The following DNAH8 variants were observed in gnomAD, a reference collection of about 807,000 sequenced individuals.
The protein encoded by DNAH8 is axonemal beta dynein heavy chain 8.
DNAH8 carries 382 observed loss-of-function variants against 562.1 expected under a neutral mutation model. The observed-to-expected ratio is 0.68, with a 90% CI of 0.63 to 0.74. The LOEUF is 0.74. DNAH8 is among the 30% of genes least tolerant of loss of function. The pLI is 0.00. For synonymous variants in DNAH8, 1,881 were observed against 1,919.4 expected, an observed-to-expected ratio of 0.98 and a Z score of 0.52; for missense variants, 5,203 against 5,620.4, an observed-to-expected ratio of 0.93 and a Z score of 2.37.
In DNAH8 at chr6:38,984,267, C is replaced by T; in HGVS notation, c.13013C>T (p.Thr4338Ile). Residue 4338 changes from threonine to isoleucine, a missense_variant, in exon 87 of 93, where the codon ACA becomes ATA. Physicochemically the swap from Thr to Ile is moderately conservative, Grantham distance 89. Transcript: ENST00000327475. ...IGEVQYGGRV[T>I]DDFDKRLLNC... Reference sequence around the variant, plus strand: ...GAAGTACAATATGGAGGCAGAGTGACAGATGACTTTGACAAACGTCTACTT... The same window carrying T: ...GAAGTACAATATGGAGGCAGAGTGATAGATGACTTTGACAAACGTCTACTT... 6.2e-7 allele frequency: 1 copy of T among 1,611,180 alleles called. No individual in the cohort carries two copies. Among genetic ancestry groups the T allele is most frequent in the Non-Finnish European group, 8.5e-7 (1 of 1,177,360 alleles).
At chr6:38,890,599 A>G in intron 57 of DNAH8, 53 bp from the exon 58 acceptor site, 18 of 1,274,858 alleles carry the variant, frequency 1.4e-5, no homozygotes, top group Non-Finnish European at 2.1e-5. Context: ...GGATAAACAT[A>G]TACTTGGAAA....
chr6:38,834,434 A>G lies in DNAH8; in HGVS notation c.4303-145A>G, dbSNP rs992902143. 27 of 531,464 alleles carry G rather than the reference A, an allele frequency of 5.1e-5. No homozygotes were observed. In the African/African-American group the frequency reaches 5.3e-4, roughly 10 times the overall value. The allele number at this position is 531,464 out of a possible 1,614,324, so 32.9% of individuals were successfully genotyped here. On this transcript the variant is annotated intron_variant, in intron 31 of 92. Coordinates refer to ENST00000327475, the MANE Select transcript of DNAH8 (RefSeq NM_001206927.2). ...ATCTCAATAAAGCTGTTAGAAATAA[A>G]TAAAAGCTTCAAGTACAGGACACAA...
At chr6:38,755,291 C>G (rs1267578716) in intron 9 of DNAH8, among the ~76,000 whole-genome samples, 1 of 152,138 alleles carries the variant, frequency 6.6e-6, no homozygotes. Flanking sequence ...TATGCTAACG[C>G]TCTTAGCCTA....
At chr6:38,903,612 CT>C (rs756414599) in intron 62 of DNAH8, among the ~76,000 whole-genome samples, 33,402 of 129,228 alleles carry the variant, frequency 0.26, 7,154 homozygotes, top group African/African-American at 0.61. Context: ...TTCTTTCTTC[CT>C]TTTTTTTTTT....
At chr6:38,850,172 A>T in intron 37 of DNAH8, 79 bp from the exon 38 acceptor site, 2 of 1,376,796 alleles carry the variant, frequency 1.5e-6, no homozygotes, top group Non-Finnish European at 2.0e-6. Flanking sequence ...GAAGAACTAT[A>T]GAAAATTCCA....
At chr6:38,943,047 G>C (rs1487982301) in intron 79 of DNAH8, among the ~76,000 whole-genome samples, 1 of 152,180 alleles carries the variant, frequency 6.6e-6, no homozygotes, top group Non-Finnish European at 1.5e-5. Context: ...TCATGAAATT[G>C]GAGTCAGGGA....
Position 38,909,532 on chromosome 6 carries a change from C to T in DNAH8, c.9528C>T (p.Phe3176=), listed in dbSNP as rs1466579837. Residue 3176 remains phenylalanine, a synonymous_variant, in exon 65 of 93, where the codon TTC becomes TTT. Coordinates refer to ENST00000327475, the MANE Select transcript of DNAH8 (RefSeq NM_001206927.2). ...VLCFSPVGEK[F]RARSLKFPGL... ...GCTATCAATAGGTTGGTGAGAAGTTCCGTGCCCGTTCTTTGAAATTTCCTG... is the reference window on the plus strand; with the variant it reads ...GCTATCAATAGGTTGGTGAGAAGTTTCGTGCCCGTTCTTTGAAATTTCCTG... 10 of 1,613,942 alleles carry T rather than the reference C, an allele frequency of 6.2e-6. No homozygotes were observed. The highest frequency in any genetic ancestry group is 8.5e-6 in the Non-Finnish European group (10 of 1,180,002).
At chr6:38,741,588 T>A in intron 7 of DNAH8, 123 bp from the exon 8 acceptor site, 2 of 766,320 alleles carry the variant, frequency 2.6e-6, no homozygotes, top group South Asian at 5.0e-5. Flanking sequence ...TTACTGAGAG[T>A]TTTTAAACAT....
intron 88 of DNAH8, among the ~76,000 whole-genome samples, chr6:39,004,097 T>G (rs1249205282): frequency 6.6e-6 from 1 of 152,174 alleles, no homozygotes; most frequent in Non-Finnish European, 1.5e-5. Context: ...ATATTTATGC[T>G]AGGCATGGTG....
intron 79 of DNAH8, among the ~76,000 whole-genome samples, chr6:38,941,035 A>T (rs1280660482): frequency 6.6e-6 from 1 of 151,746 alleles, no homozygotes; most frequent in Non-Finnish European, 1.5e-5. Flanking sequence ...CAGGAGAATC[A>T]CTTGAACCAG....
At position 38,971,625 on chromosome 6, in the gene DNAH8, A is replaced by C; in HGVS notation, c.12485A>C (p.Glu4162Ala). The C allele has an allele frequency of 6.2e-7, 1 of 1,603,046 alleles. No homozygotes were observed. Among genetic ancestry groups the C allele is most frequent in the East Asian group, 2.2e-5 (1 of 44,542 alleles). ...CRTISMGQGQ[E>A]VHARKLIQMS... ...ACTATCTCAATGGGGCAAGGACAAG[A>C]AGTACATGCTCGAAAGCTGATTCAG... The change falls in exon 83 of 93, where the codon GAA becomes GCA. Residue 4162 changes from glutamate (E) to alanine (A), a missense_variant. Physicochemically the swap from Glu to Ala is moderately radical, Grantham distance 107. Transcript: ENST00000327475.
At chr6:38,782,019 C>T (rs1230415414) in intron 16 of DNAH8, among the ~76,000 whole-genome samples, 6 of 152,020 alleles carry the variant, frequency 3.9e-5, no homozygotes, top group Admixed American at 3.9e-4. Context: ...AACAATATAA[C>T]TACAAAACAG....
rs746640155 is a variant in DNAH8 at position 38,896,137 on chromosome 6, A to G, written c.8852A>G (p.Tyr2951Cys). 14 of 1,613,660 alleles carry G rather than the reference A, an allele frequency of 8.7e-6. No homozygotes were observed. The highest frequency in any genetic ancestry group is 1.2e-5 in the Non-Finnish European group (14 of 1,179,918). Reference protein sequence around the residue: ...DAASCILPEPYFVDFLREMPE... With the variant: ...DAASCILPEPCFVDFLREMPE... ...GCGTCGTGTATTCTTCCTGAACCAT[A>G]CTTTGTGGATTTTCTTCGTGAGATG... The change falls in exon 60 of 93, where the codon TAC becomes TGC. Residue 2951 changes from tyrosine to cysteine, a missense_variant. Tyr to Cys is a radical substitution (Grantham distance 194, BLOSUM62 -2). This residue lies in a region of DNAH8 where 977 missense variants were observed against 1,061.8 expected (regional missense o/e 0.92). Transcript: ENST00000327475.
At chr6:38,897,705 A>C (rs1437172996) in intron 60 of DNAH8, among the ~76,000 whole-genome samples, 1 of 152,090 alleles carries the variant, frequency 6.6e-6, no homozygotes, top group Non-Finnish European at 1.5e-5. Context: ...CCATAGAGCC[A>C]AGGAAGTCGA....
chr6:38,853,231 C>T lies in DNAH8; in HGVS notation c.5617C>T (p.Leu1873=), dbSNP rs1274941909. ...MAKGPVEIWL[L]DLLKMQMSSL... ...CAAAGGTCCTGTGGAGATTTGGCTA[C>T]TGGATTTGTTAAAAATGCAGATGTC... The change falls in exon 41 of 93, where the codon CTG becomes TTG. Residue 1873 remains leucine, a synonymous_variant. Transcript: ENST00000327475. The T allele has an allele frequency of 6.2e-7, 1 of 1,613,100 alleles. No individual in the cohort carries two copies. Among genetic ancestry groups the T allele is most frequent in the Non-Finnish European group, 8.5e-7 (1 of 1,179,654 alleles).
Position 38,995,338 on chromosome 6 carries a change from T to C in DNAH8, c.13214+5166T>C, listed in dbSNP as rs1162247275. Among the ~76,000 whole-genome samples, 3 of 152,232 alleles carry C rather than the reference T, an allele frequency of 2.0e-5. No individual in the cohort carries two copies. In the East Asian group the frequency reaches 5.8e-4, roughly 29 times the overall value. ...TAATGGTTCATTGGGGAATTTTGCA[T>C]TGATATTCATAAATAAGAATGGCCT... On this transcript the variant is annotated intron_variant, in intron 88 of 92. Transcript: ENST00000327475.
chr6:38,899,169 G>A lies in DNAH8; in HGVS notation c.9064-607G>A, dbSNP rs16891231. On this transcript the variant is annotated intron_variant, in intron 61 of 92. Transcript: ENST00000327475. ...AGCAATGTCTTCAATTGGCCTGCAT[G>A]AGATTTGACCCACAATTTGAGTCTT... Among the ~76,000 whole-genome samples, 1,775 of 152,220 alleles carry A rather than the reference G, an allele frequency of 0.012. 91 individuals are homozygous for A. The East Asian group carries it at 0.15, about 13-fold the overall frequency.
chr6:38,886,862 C>G lies in DNAH8; in HGVS notation c.8331C>G (p.Phe2777Leu). The change falls in exon 57 of 93, where the codon TTC becomes TTG. Residue 2777 changes from phenylalanine to leucine, a missense_variant. Phe to Leu is a conservative substitution (Grantham distance 22, BLOSUM62 0). Transcript: ENST00000327475. ...ACAGCTTGGACAAGCCTGGAGACTT[C>G]ACTACTATTGTTGATGTGCAGCTCA... ...GMYSLDKPGD[F>L]TTIVDVQLIA... 6.2e-7 allele frequency: 1 copy of G among 1,614,074 alleles called. No individual in the cohort carries two copies. Among genetic ancestry groups the G allele is most frequent in the Non-Finnish European group, 8.5e-7 (1 of 1,179,952 alleles).
rs79099532 is a variant in DNAH8 at position 39,013,643 on chromosome 6, A to G, written c.13714+1006A>G. ...AAGGTGGGCAAGTTGCTTGAGCCCA[A>G]GAGTTTAAGACCAGTGGGGCAACAT... On this transcript the variant is annotated intron_variant, in intron 91 of 92. Coordinates refer to ENST00000327475, the MANE Select transcript of DNAH8 (RefSeq NM_001206927.2). Among the ~76,000 whole-genome samples the G allele has an allele frequency of 0.011, 1,683 of 152,272 alleles. 107 individuals are homozygous for G. The East Asian group carries it at 0.16, about 14-fold the overall frequency.
Sources: gnomAD v4.1 joint callset for allele counts (sites outside exome capture counted in the v4.1 genomes callset) on GRCh38, gnomAD v4.1.1 for gene constraint, gnomAD v4.1.1 regional missense constraint, MANE v1.5 for transcripts, NCBI Gene and HGNC (gene_info 2026-07-23, HGNC 2026-07-21) for gene names.